The following NBEA variants were observed in gnomAD, a reference collection of about 807,000 sequenced individuals.
NBEA encodes the protein neurobeachin.
NBEA carries 44 observed loss-of-function variants against 343.4 expected under a neutral mutation model. The ratio of observed to expected loss-of-function variants is 0.13; its 90% CI spans 0.10 to 0.16. NBEA has a LOEUF of 0.16. Among genes scored for constraint, NBEA ranks in the 10% least tolerant of loss-of-function variants. The pLI is 1.00. For synonymous variants in NBEA, 1,175 were observed against 1,238.7 expected, an observed-to-expected ratio of 0.95 and a Z score of 1.08; for missense variants, 2,555 against 3,631.3, an observed-to-expected ratio of 0.70 and a Z score of 7.62.
intron 33 of NBEA, among the ~76,000 whole-genome samples, chr13:35,230,490 A>T (rs1238489865): frequency 6.6e-6 from 1 of 152,062 alleles, no homozygotes; most frequent in Non-Finnish European, 1.5e-5. Flanking sequence ...AAATAATCAT[A>T]CTTCATTTAT....
At position 35,054,467 on chromosome 13, in the gene NBEA, T is replaced by TTAGTTTCCA. The variant is rs1440568951; in HGVS notation, c.973-1542_973-1534dup. On this transcript the variant is annotated intron_variant, in intron 6 of 58. Transcript: ENST00000379939. ...GTTGGTTTCAAATCAAGTGAAAGACTTAGTTTCCAATAAATTAATGATTAC... is the reference window on the plus strand; with the variant it reads ...GTTGGTTTCAAATCAAGTGAAAGACTTAGTTTCCATAGTTTCCAATAAATTAATGATTAC... Among the ~76,000 whole-genome samples the TTAGTTTCCA allele has an allele frequency of 2.0e-5, 3 of 152,064 alleles. No individual in the cohort carries two copies. In the East Asian group the frequency reaches 5.8e-4, roughly 29 times the overall value.
intron 1 of NBEA, among the ~76,000 whole-genome samples, chr13:34,996,333 T>C (rs551226503): frequency 6.6e-6 from 1 of 152,286 alleles, no homozygotes; most frequent in African/African-American, 2.4e-5. Flanking sequence ...CATTCATATT[T>C]ATTTTACATC....
rs151326109 is a variant in NBEA, at chr13:35,549,631, G to C, written c.6586-846G>C. On this transcript the variant is annotated intron_variant, in intron 41 of 58. Coordinates refer to ENST00000379939, the MANE Select transcript of NBEA (RefSeq NM_001385012.1). ...TCATAGTTACACAATTGCTGCTACA[G>C]TTTCAGCTATCATATCTCCATTCAA... Among the ~76,000 whole-genome samples, 7 of 152,294 alleles carry C rather than the reference G, an allele frequency of 4.6e-5. No homozygotes were observed. The East Asian group carries it at 1.4e-3, about 29-fold the overall frequency.
intron 1 of NBEA, among the ~76,000 whole-genome samples, chr13:35,005,371 C>G (rs2061283701): frequency 6.6e-6 from 1 of 152,112 alleles, no homozygotes; most frequent in Non-Finnish European, 1.5e-5. Context: ...GCAGCATCCA[C>G]CTGTCTTGCT....
chr13:35,386,287 T>C (rs1276611648), intron 38 of NBEA, among the ~76,000 whole-genome samples: 3 of 152,112 alleles, frequency 2.0e-5, no homozygotes, highest in Non-Finnish European at 2.9e-5. Context: ...CTCCAGTACA[T>C]TATGGATGAC....
intron 16 of NBEA, among the ~76,000 whole-genome samples, chr13:35,119,972 C>A (rs1021654274): frequency 6.6e-6 from 1 of 152,162 alleles, no homozygotes; most frequent in Non-Finnish European, 1.5e-5. Context: ...TTTCATATAG[C>A]TCAATCTAAT....
chr13:35,456,737 T>G (rs2046600808), intron 40 of NBEA, among the ~76,000 whole-genome samples: 1 of 151,970 alleles, frequency 6.6e-6, no homozygotes, highest in African/African-American at 2.4e-5. Context: ...TCATTTCTTT[T>G]AGAATGGTAG....
At chr13:35,562,459 T>C (rs919958561) in intron 44 of NBEA, among the ~76,000 whole-genome samples, 3 of 152,080 alleles carry the variant, frequency 2.0e-5, no homozygotes, top group Non-Finnish European at 4.4e-5. Flanking sequence ...GTGTAAATGA[T>C]CCCCTGTTAA....
At chr13:35,178,620 C>T (rs1447342746) in intron 28 of NBEA, among the ~76,000 whole-genome samples, 2 of 151,468 alleles carry the variant, frequency 1.3e-5, no homozygotes, top group South Asian at 2.1e-4. Flanking sequence ...CAGTATTCCA[C>T]CAATGATTAT....
At chr13:35,639,546 G>A (rs1377503641) in intron 49 of NBEA, among the ~76,000 whole-genome samples, 3 of 151,828 alleles carry the variant, frequency 2.0e-5, no homozygotes, top group Non-Finnish European at 4.4e-5. Flanking sequence ...TTTTTATTTT[G>A]TGTCAAGCTT....
intron 38 of NBEA, among the ~76,000 whole-genome samples, chr13:35,413,820 A>T (rs2043735053): frequency 6.6e-6 from 1 of 152,134 alleles, no homozygotes; most frequent in Non-Finnish European, 1.5e-5. Flanking sequence ...ATGTTTCTGT[A>T]TAATTTAGTC....
chr13:35,217,460 A>C (rs528703543), intron 33 of NBEA, among the ~76,000 whole-genome samples: 1 of 152,004 alleles, frequency 6.6e-6, no homozygotes, highest in South Asian at 2.1e-4. Flanking sequence ...CTTTCCCAAA[A>C]TTTATATTGT....
intron 35 of NBEA, among the ~76,000 whole-genome samples, chr13:35,306,771 C>T (rs2152830041): frequency 6.6e-6 from 1 of 152,072 alleles, no homozygotes; most frequent in Admixed American, 6.5e-5. Flanking sequence ...TAATATTCTG[C>T]TTCTGTTCTT....
chr13:35,357,251 T>TA (rs1223382123), intron 38 of NBEA, among the ~76,000 whole-genome samples: 1 of 152,146 alleles, frequency 6.6e-6, no homozygotes, highest in African/African-American at 2.4e-5. Context: ...GTATGACTTG[T>TA]AAGCTGTGTA....
chr13:34,965,815 C>G (rs1453962821), intron 1 of NBEA, among the ~76,000 whole-genome samples: 1 of 151,942 alleles, frequency 6.6e-6, no homozygotes. Flanking sequence ...TTTATAAACA[C>G]ATAACTAAAA....
chr13:35,118,008 T>A (rs947461139), intron 14 of NBEA, among the ~76,000 whole-genome samples: 14 of 152,114 alleles, frequency 9.2e-5, no homozygotes, highest in African/African-American at 3.1e-4. Flanking sequence ...TGAATGTCAA[T>A]CAAATACTAA....
At chr13:35,454,461 T>C (rs1344314990) in intron 40 of NBEA, among the ~76,000 whole-genome samples, 1 of 152,166 alleles carries the variant, frequency 6.6e-6, no homozygotes, top group East Asian at 1.9e-4. Flanking sequence ...AAATTAAAAT[T>C]TGTTTAATAA....
intron 12 of NBEA, 39 bp from the exon 13 acceptor site, chr13:35,110,771 T>C (rs1377061690): frequency 1.3e-6 from 2 of 1,541,208 alleles, no homozygotes; most frequent in Non-Finnish European, 8.9e-7. Context: ...TTGAGGCATT[T>C]TAAATTCATT....
intron 45 of NBEA, among the ~76,000 whole-genome samples, chr13:35,572,838 G>C (rs765800278): frequency 1.3e-5 from 2 of 151,838 alleles, no homozygotes; most frequent in Non-Finnish European, 2.9e-5. Context: ...AAGTTTCTGT[G>C]GTTATTTTAT....
Sources: allele counts gnomAD v4.1 joint callset (sites outside exome capture counted in the v4.1 genomes callset), GRCh38; gene constraint gnomAD v4.1.1; transcripts MANE v1.5; gene names NCBI Gene and HGNC (gene_info 2026-07-23, HGNC 2026-07-21).